The following ZNF469 variants were observed in gnomAD, a reference collection of about 807,000 sequenced individuals.
ZNF469 encodes the protein zinc finger protein 469.
A neutral mutation model predicts 1.0 loss-of-function variants in ZNF469; 1 was observed. The observed-to-expected ratio is 1.00, with a 90% CI of 0.35 to 4.73. The LOEUF (loss-of-function observed/expected upper bound fraction) is 4.73. Ranked by LOEUF, ZNF469 falls within the 30% of genes most tolerant of loss-of-function variation. The probability of loss-of-function intolerance (pLI) is 0.16; values close to 1 mark genes in which losing one functional copy is unlikely to be tolerated. For synonymous variants in ZNF469, 2,703 were observed against 2,363.4 expected (o/e 1.14, Z -4.17); for missense variants, 6,100 against 5,356.3 (o/e 1.14, Z -4.33).
chr16:88,168,929 T>C, the ZNF469 span, among the ~76,000 whole-genome samples: 1,743 of 150,680 alleles, frequency 0.012, 30 homozygotes, highest in African/African-American at 0.04. The surrounding 1 kb of genome is among the most constrained non-coding windows in gnomAD (Gnocchi z 4.3). Context: ...GACCCCCCCC[T>C]CTACAAAAAA....
At chr16:88,108,161 G>A in the ZNF469 span, among the ~76,000 whole-genome samples, 8 of 126,374 alleles carry the variant, frequency 6.3e-5, no homozygotes, top group Middle Eastern at 4.0e-3. Context: ...GGGGGTCCAC[G>A]TCTGTGGGGA....
At chr16:88,355,801 G>A in the ZNF469 span, among the ~76,000 whole-genome samples, 1 of 152,214 alleles carries the variant, frequency 6.6e-6, no homozygotes. Flanking sequence ...CACTCAGGAG[G>A]CAGGATGGAC....
chr16:88,229,215 G>A, the ZNF469 span, among the ~76,000 whole-genome samples: 6 of 152,038 alleles, frequency 3.9e-5, no homozygotes, highest in African/African-American at 9.7e-5. Context: ...TATTTTTCTC[G>A]AGAAAAAAAA....
chr16:88,224,483 T>C, the ZNF469 span, among the ~76,000 whole-genome samples: 1 of 152,160 alleles, frequency 6.6e-6, no homozygotes, highest in Non-Finnish European at 1.5e-5. Context: ...AGCAAATACT[T>C]GGGCAGTACA....
Position 88,433,228 on chromosome 16 carries a change from C to T in ZNF469, c.5758C>T (p.Leu1920=), listed in dbSNP as rs1906326402. The change falls in exon 3 of 3, where the codon CTG becomes TTG. Residue 1920 remains leucine, a synonymous_variant. Transcript: ENST00000565624. ...AGTGGCTAAGAGTAAAGATGGCATC[C>T]TGGGCTTGCAGGAGCTGACACCTGC... is the stretch of plus-strand genomic sequence containing the variant. ...PGVAKSKDGI[L]GLQELTPAAQ... 8 of 1,550,202 alleles carry T rather than the reference C, an allele frequency of 5.2e-6. No homozygotes were observed. Among genetic ancestry groups the T allele is most frequent in the Non-Finnish European group, 7.0e-6 (8 of 1,146,950 alleles).
chr16:88,294,254 G>A, the ZNF469 span, among the ~76,000 whole-genome samples: 8 of 152,162 alleles, frequency 5.3e-5, no homozygotes, highest in Admixed American at 3.3e-4. Flanking sequence ...CCAGTGTGCC[G>A]CCATGCCAAA....
At chr16:88,133,945 A>C in the ZNF469 span, among the ~76,000 whole-genome samples, 2 of 152,196 alleles carry the variant, frequency 1.3e-5, no homozygotes, top group East Asian at 3.8e-4. Context: ...AATACAAAAA[A>C]TTAGCTGAGC....
chr16:88,319,611 C>G, the ZNF469 span, among the ~76,000 whole-genome samples: 1 of 152,152 alleles, frequency 6.6e-6, no homozygotes, highest in Non-Finnish European at 1.5e-5. Flanking sequence ...AGGTAGCCCC[C>G]TTGGCTCCCT....
rs1171383550 is a variant in ZNF469, at chr16:88,434,666, C to G, written c.7196C>G (p.Pro2399Arg). The part of the protein sequence containing the change: ...GATKMPRVTC[P>R]STGLGLGRTT... ...ACCAAGATGCCCAGGGTCACCTGCCCTTCCACAGGACTGGGCTTGGGAAGA... is the reference window on the plus strand; with the variant it reads ...ACCAAGATGCCCAGGGTCACCTGCCGTTCCACAGGACTGGGCTTGGGAAGA... Residue 2399 changes from proline to arginine, a missense_variant, in exon 3 of 3, where the codon CCT becomes CGT. Transcript: ENST00000565624. The G allele has an allele frequency of 5.8e-6, 9 of 1,550,386 alleles. No homozygotes were observed. Among genetic ancestry groups the G allele is most frequent in the Non-Finnish European group, 7.8e-6 (9 of 1,146,968 alleles).
the ZNF469 span, among the ~76,000 whole-genome samples, chr16:88,365,438 C>G: frequency 6.6e-6 from 1 of 152,200 alleles, no homozygotes; most frequent in Non-Finnish European, 1.5e-5. Context: ...TCTTCTGGGA[C>G]TGTCAGAAGG....
At chr16:88,368,230 G>A in the ZNF469 span, among the ~76,000 whole-genome samples, 1 of 152,222 alleles carries the variant, frequency 6.6e-6, no homozygotes, top group African/African-American at 2.4e-5. Context: ...GTTGGAGTCC[G>A]GAGCCAGTCA....
the ZNF469 span, among the ~76,000 whole-genome samples, chr16:88,375,788 C>T: frequency 2.0e-5 from 3 of 152,322 alleles, no homozygotes; most frequent in East Asian, 1.9e-4. Context: ...AAAGACTAAA[C>T]GAAGGAAATC....
At chr16:88,136,196 G>T in the ZNF469 span, among the ~76,000 whole-genome samples, 8 of 152,188 alleles carry the variant, frequency 5.3e-5, no homozygotes, top group Non-Finnish European at 4.4e-5. Context: ...GTTAAGTCAG[G>T]TTCCTCTGCG....
At chr16:88,164,694 G>T in the ZNF469 span, among the ~76,000 whole-genome samples, 1 of 152,206 alleles carries the variant, frequency 6.6e-6, no homozygotes. Flanking sequence ...TCTGCCAGTG[G>T]GGATCACAGG....
the ZNF469 span, among the ~76,000 whole-genome samples, chr16:88,291,366 A>G: frequency 6.6e-6 from 1 of 152,118 alleles, no homozygotes; most frequent in Non-Finnish European, 1.5e-5. Flanking sequence ...TTTGACCAGA[A>G]TCCTGAGCTA....
At chr16:88,264,248 C>T in the ZNF469 span, among the ~76,000 whole-genome samples, 1 of 152,094 alleles carries the variant, frequency 6.6e-6, no homozygotes. Flanking sequence ...CCGAAACCCA[C>T]AGAGAGGAGC....
At chr16:88,331,404 T>C in the ZNF469 span, among the ~76,000 whole-genome samples, 3 of 144,158 alleles carry the variant, frequency 2.1e-5, no homozygotes, top group Non-Finnish European at 4.5e-5. Flanking sequence ...ACTACCATCG[T>C]CATCACCATC....
At chr16:88,172,711 C>G in the ZNF469 span, among the ~76,000 whole-genome samples, 1 of 152,126 alleles carries the variant, frequency 6.6e-6, no homozygotes, top group Non-Finnish European at 1.5e-5. Context: ...AAAATGTTTT[C>G]CATGTGTTCA....
the ZNF469 span, among the ~76,000 whole-genome samples, chr16:88,280,567 G>A: frequency 6.7e-6 from 1 of 150,302 alleles, no homozygotes; most frequent in African/African-American, 2.5e-5. Flanking sequence ...TGCTTGATCA[G>A]TACTATGCTG....
Sources: gnomAD v4.1 joint callset for allele counts (sites outside exome capture counted in the v4.1 genomes callset) on GRCh38, gnomAD v4.1.1 for gene constraint, Gnocchi (gnomAD v3.1) non-coding constraint, MANE v1.5 for transcripts, NCBI Gene and HGNC (gene_info 2026-07-23, HGNC 2026-07-21) for gene names.